ADAMTS16: variants seen among roughly 807,000 people sequenced by gnomAD.
ADAMTS16 encodes ADAM metallopeptidase with thrombospondin type 1 motif 16, also known as A disintegrin and metalloproteinase with thrombospondin motifs 16.
In ADAMTS16, 94 loss-of-function variants were observed where a neutral mutation model predicts 145.8. The observed-to-expected ratio is 0.64, with a 90% CI of 0.55 to 0.77. The LOEUF (loss-of-function observed/expected upper bound fraction) is 0.77, where lower values mean the gene tolerates loss of function less well. Ranked by LOEUF, ADAMTS16 falls within the 30% of genes least tolerant of loss-of-function variation. ADAMTS16 has a pLI of 0.00. For missense variants in ADAMTS16, 1,585 were observed against 1,591.5 expected (o/e 1.00, Z 0.07); for synonymous variants, 659 against 604.3 (o/e 1.09, Z -1.33).
intron 14 of ADAMTS16, among the ~76,000 whole-genome samples, chr5:5,238,099 G>A (rs890111901): frequency 2.0e-5 from 3 of 152,142 alleles, no homozygotes; most frequent in African/African-American, 4.8e-5. Flanking sequence ...GGGTTAGGCT[G>A]GATGATTCCA....
intron 3 of ADAMTS16, among the ~76,000 whole-genome samples, chr5:5,161,996 T>C (rs1734753080): frequency 6.6e-6 from 1 of 152,216 alleles, no homozygotes; most frequent in African/African-American, 2.4e-5. Context: ...TTTCTCATCT[T>C]TAGTGTACCC....
intron 6 of ADAMTS16, among the ~76,000 whole-genome samples, 185 bp downstream of exon 6, chr5:5,187,993 G>A (rs1327447905): frequency 6.6e-6 from 1 of 151,988 alleles, no homozygotes; most frequent in Non-Finnish European, 1.5e-5. Context: ...TGGATTTTTT[G>A]TGGGGTTTTT....
chr5:5,228,081 T>A (rs554445211), intron 11 of ADAMTS16, among the ~76,000 whole-genome samples: 1 of 152,334 alleles, frequency 6.6e-6, no homozygotes, highest in South Asian at 2.1e-4. Context: ...AAACCCTAAA[T>A]GCTGAAAAAG....
At chr5:5,206,740 C>T (rs1736135503) in intron 9 of ADAMTS16, among the ~76,000 whole-genome samples, 1 of 152,062 alleles carries the variant, frequency 6.6e-6, no homozygotes, top group Admixed American at 6.5e-5. Flanking sequence ...CCTCAGCCTC[C>T]CTAAGTGCTG....
At chr5:5,219,630 C>T (rs1221072011) in intron 10 of ADAMTS16, among the ~76,000 whole-genome samples, 4 of 152,142 alleles carry the variant, frequency 2.6e-5, no homozygotes, top group Admixed American at 1.3e-4. Context: ...AAGACAATAC[C>T]GTGGGTTATA....
intron 9 of ADAMTS16, among the ~76,000 whole-genome samples, chr5:5,201,417 A>G (rs1374295700): frequency 6.6e-6 from 1 of 152,208 alleles, no homozygotes; most frequent in Non-Finnish European, 1.5e-5. Flanking sequence ...GAAGGGCACA[A>G]ATGTATAGAT....
intron 9 of ADAMTS16, among the ~76,000 whole-genome samples, chr5:5,205,763 T>A (rs1736087913): frequency 6.6e-6 from 1 of 152,234 alleles, no homozygotes; most frequent in African/African-American, 2.4e-5. Flanking sequence ...TTCAGATTTT[T>A]GTCCACTTTT....
intron 3 of ADAMTS16, among the ~76,000 whole-genome samples, chr5:5,161,805 T>C (rs994858007): frequency 6.6e-6 from 1 of 152,232 alleles, no homozygotes; most frequent in Non-Finnish European, 1.5e-5. Flanking sequence ...TTCTTTGACC[T>C]GCTTCATTTA....
chr5:5,294,732 C>T (rs1039376299), intron 18 of ADAMTS16, among the ~76,000 whole-genome samples: 5 of 152,196 alleles, frequency 3.3e-5, no homozygotes, highest in African/African-American at 7.2e-5. Context: ...ATTGGAAAGC[C>T]GAGTCTGTGT....
intron 3 of ADAMTS16, among the ~76,000 whole-genome samples, chr5:5,165,331 A>T (rs968620406): frequency 2.0e-5 from 3 of 152,142 alleles, no homozygotes; most frequent in Non-Finnish European, 4.4e-5. Context: ...GTGTTTATCC[A>T]TTCACCAGTT....
Position 5,232,212 on chromosome 5 carries a change from A to G in ADAMTS16, c.1702-156A>G, listed in dbSNP as rs150165164. On this transcript the variant is annotated intron_variant, in intron 11 of 22. Transcript: ENST00000274181. ...GGAAAAAAAAAACAACATTGAATGT[A>G]CTGTATTTATATTAGGTGCTGCTTG... Among the ~76,000 whole-genome samples, 141 of 145,194 alleles carry G rather than the reference A, an allele frequency of 9.7e-4. 1 individual carries two copies. In the East Asian group the frequency reaches 0.026, roughly 27 times the overall value.
At chr5:5,311,877 T>C (rs1256599678) in intron 21 of ADAMTS16, among the ~76,000 whole-genome samples, 3 of 151,904 alleles carry the variant, frequency 2.0e-5, no homozygotes, top group African/African-American at 4.8e-5. Context: ...CCACCACGCC[T>C]GGCTAATTGT....
At chr5:5,314,854 G>A (rs995546722) in intron 21 of ADAMTS16, among the ~76,000 whole-genome samples, 1 of 152,166 alleles carries the variant, frequency 6.6e-6, no homozygotes. Context: ...CCCTGTGGCT[G>A]GGCCAAGAAC....
intron 10 of ADAMTS16, among the ~76,000 whole-genome samples, chr5:5,209,462 G>A (rs547511750): frequency 2.3e-4 from 35 of 152,274 alleles, no homozygotes; most frequent in Admixed American, 7.8e-4. Flanking sequence ...TTTGAGAACC[G>A]ACTTGGCCTG....
intron 3 of ADAMTS16, among the ~76,000 whole-genome samples, chr5:5,172,134 TTC>T (rs1735057969): frequency 6.6e-6 from 1 of 152,120 alleles, no homozygotes; most frequent in South Asian, 2.1e-4. Context: ...TATTTGGGTC[TTC>T]TCTCTTTTTT....
At chr5:5,205,661 A>C (rs1315185529) in intron 9 of ADAMTS16, among the ~76,000 whole-genome samples, 1 of 152,140 alleles carries the variant, frequency 6.6e-6, no homozygotes, top group Non-Finnish European at 1.5e-5. Context: ...TGTCTCACTG[A>C]TGTTTGCCTT....
At chr5:5,194,154 A>T (rs1173088080) in intron 8 of ADAMTS16, among the ~76,000 whole-genome samples, 3 of 152,082 alleles carry the variant, frequency 2.0e-5, no homozygotes, top group Admixed American at 2.0e-4. Context: ...TCCCATTGCT[A>T]ATATAGGATT....
At position 5,187,771 on chromosome 5, in the gene ADAMTS16, T is replaced by C. The variant is rs1735547999; in HGVS notation, c.1010T>C (p.Ile337Thr). ...KDGTIGGNIN[I>T]AIVGLILLED... ...GGAACAATAGGAGGAAACATCAACA[T>C]TGCAATTGTAGGTCTGATTCTTCTA... is the stretch of plus-strand genomic sequence containing the variant. The change falls in exon 6 of 23, where the codon ATT becomes ACT. Residue 337 changes from isoleucine (I) to threonine (T), a missense_variant. By Grantham distance (89) the Ile-to-Thr change is moderately conservative (BLOSUM62 -1). Coordinates refer to ENST00000274181, the MANE Select transcript of ADAMTS16 (RefSeq NM_139056.4). The C allele has an allele frequency of 6.2e-6, 10 of 1,612,474 alleles. No homozygotes were observed. The highest frequency in any genetic ancestry group is 8.5e-6 in the Non-Finnish European group (10 of 1,178,570).
intron 17 of ADAMTS16, among the ~76,000 whole-genome samples, chr5:5,247,493 A>G (rs1303733428): frequency 6.6e-6 from 1 of 152,102 alleles, no homozygotes; most frequent in Admixed American, 6.5e-5. Flanking sequence ...AAGTGTGCTC[A>G]GAGGTCCAGG....
Sources: allele counts gnomAD v4.1 joint callset (sites outside exome capture counted in the v4.1 genomes callset), GRCh38; gene constraint gnomAD v4.1.1; transcripts MANE v1.5; gene names NCBI Gene and HGNC (gene_info 2026-07-23, HGNC 2026-07-21).